The following ARHGEF18 variants were observed in gnomAD, a reference collection of about 807,000 sequenced individuals.
ARHGEF18 encodes the protein rho guanine nucleotide exchange factor 18.
A neutral mutation model predicts 155.7 loss-of-function variants in ARHGEF18; 93 were observed. The observed-to-expected ratio is 0.60, with a 90% CI of 0.50 to 0.71. The LOEUF (loss-of-function observed/expected upper bound fraction) is 0.71. Among genes scored for constraint, ARHGEF18 ranks in the 30% least tolerant of loss-of-function variants. ARHGEF18 has a pLI of 0.00. For synonymous variants in ARHGEF18, 742 were observed against 753.1 expected (o/e 0.99, Z 0.24); for missense variants, 1,593 against 1,816.1 (o/e 0.88, Z 2.23).
chr19:7,397,460 G>A lies in ARHGEF18; in HGVS notation c.967+14257G>A, dbSNP rs897759540. Among the ~76,000 whole-genome samples, 5 of 151,456 alleles carry A rather than the reference G, an allele frequency of 3.3e-5. No individual in the cohort carries two copies. In the East Asian group the frequency reaches 5.8e-4, roughly 18 times the overall value. On this transcript the variant is annotated intron_variant, in intron 10 of 28. Transcript: ENST00000668164. ...TTTAAAAATTTTTTGGGCCGGGTGC[G>A]GTGGCTCACACCTGTAATCCCAGCA...
intron 10 of ARHGEF18, among the ~76,000 whole-genome samples, chr19:7,433,537 A>G (rs1037675170): frequency 1.4e-5 from 2 of 138,580 alleles, no homozygotes; most frequent in African/African-American, 5.3e-5. Context: ...AAAAAAGTGT[A>G]TCAGGTTTTC....
rs181271941 is a variant in ARHGEF18 at position 7,437,530 on chromosome 19, C to A, written c.968-2814C>A. Among the ~76,000 whole-genome samples, 228 of 152,170 alleles carry A rather than the reference C, an allele frequency of 1.5e-3. No homozygotes were observed. In the Middle Eastern group the frequency reaches 0.034, roughly 23 times the overall value. ...GCTCTGCCCACCCCATGGTTTATAA[C>A]TCCGTGTTCCCAAGAAAGAGACTTC... On this transcript the variant is annotated intron_variant, in intron 10 of 28. Coordinates refer to ENST00000668164, the MANE Select transcript of ARHGEF18 (RefSeq NM_001367823.1).
At chr19:7,417,457 G>C (rs1197250020) in intron 10 of ARHGEF18, among the ~76,000 whole-genome samples, 1 of 152,162 alleles carries the variant, frequency 6.6e-6, no homozygotes, top group Non-Finnish European at 1.5e-5. Context: ...TAGCACTTTG[G>C]GAGACCAAGG....
intron 10 of ARHGEF18, among the ~76,000 whole-genome samples, chr19:7,416,327 T>C (rs1345598717): frequency 2.0e-5 from 3 of 151,986 alleles, no homozygotes; most frequent in African/African-American, 7.2e-5. Context: ...GATCCCTTGA[T>C]TCCTTGAGCC....
chr19:7,373,470 T>TTTTTG (rs1568275296), intron 3 of ARHGEF18, among the ~76,000 whole-genome samples: 3 of 149,774 alleles, frequency 2.0e-5, no homozygotes, highest in African/African-American at 7.5e-5. Flanking sequence ...TTTGTTTTTT[T>TTTTTG]TTTTTTGTTT....
chr19:7,453,721 G>A lies in ARHGEF18; in HGVS notation c.2104+6G>A. On this transcript the variant is annotated splice_donor_region_variant and intron_variant, in intron 17 of 28. Coordinates refer to ENST00000668164, the MANE Select transcript of ARHGEF18 (RefSeq NM_001367823.1). ...CACATCAGGGCGCTTGAAAGGTAAAGGCCTGCCCCTGCCCACCTCTAGTGG... is the reference window on the plus strand; with the variant it reads ...CACATCAGGGCGCTTGAAAGGTAAAAGCCTGCCCCTGCCCACCTCTAGTGG... 1.9e-6 allele frequency: 3 copies of A among 1,541,130 alleles called. No individual in the cohort carries two copies. Among genetic ancestry groups the A allele is most frequent in the Non-Finnish European group, 1.8e-6 (2 of 1,142,194 alleles).
intron 17 of ARHGEF18, among the ~76,000 whole-genome samples, chr19:7,454,069 T>C (rs1205767383): frequency 3.3e-5 from 5 of 151,252 alleles, no homozygotes; most frequent in Non-Finnish European, 7.4e-5. Context: ...GTGGGCATCA[T>C]CTTGGATTGG....
In ARHGEF18 at chr19:7,361,990, TGGA is replaced by T. The variant is rs1454099032; in HGVS notation, c.-110-790_-110-788del. On this transcript the variant is annotated intron_variant, in intron 1 of 28. Transcript: ENST00000668164. ...TTGGGGGCAACAGAGCAAGACTCTG[TGGA>T]AGAAGAAGAAGAAGAAGAAGAAGGA... Among the ~76,000 whole-genome samples the T allele has an allele frequency of 1.8e-3, 197 of 111,052 alleles. 40 individuals are homozygous for T. The highest frequency in any genetic ancestry group is 9.0e-3 in the African/African-American group (192 of 21,342). The allele number at this position is 111,052 out of a possible 152,430, so 72.9% of individuals were successfully genotyped here. A position where few individuals can be genotyped will look rare whatever the true frequency, so the allele number is the denominator to read the frequency against.
chr19:7,465,380 G>A (rs986803340), intron 23 of ARHGEF18, among the ~76,000 whole-genome samples: 1 of 149,686 alleles, frequency 6.7e-6, no homozygotes, highest in African/African-American at 2.5e-5. Flanking sequence ...TAATCCCAGT[G>A]TTTTGGGAGA....
chr19:7,476,341 T>C (rs1200201202), downstream of ARHGEF18, among the ~76,000 whole-genome samples: 2 of 146,900 alleles, frequency 1.4e-5, no homozygotes, highest in Non-Finnish European at 3.0e-5. Flanking sequence ...GCAATTGATA[T>C]CACATGAGGC....
chr19:7,444,899 A>T lies in ARHGEF18; in HGVS notation c.1611+445A>T, dbSNP rs950689670. Reference sequence around the variant, plus strand: ...GCAATCCCCCTGCCTCGGCATCCCAAAGTGCAGGGATCACAGGCATGAGCC... The same window carrying T: ...GCAATCCCCCTGCCTCGGCATCCCATAGTGCAGGGATCACAGGCATGAGCC... On this transcript the variant is annotated intron_variant, in intron 14 of 28. Transcript: ENST00000668164. The surrounding 1 kb of genome is among the most constrained non-coding windows in gnomAD (Gnocchi z 4.7). Among the ~76,000 whole-genome samples the T allele has an allele frequency of 2.0e-5, 3 of 152,046 alleles. No individual in the cohort carries two copies. Among genetic ancestry groups the T allele is most frequent in the Non-Finnish European group, 4.4e-5 (3 of 68,006 alleles).
intron 10 of ARHGEF18, among the ~76,000 whole-genome samples, chr19:7,423,825 C>T (rs559104876): frequency 4.6e-5 from 7 of 151,648 alleles, no homozygotes; most frequent in Admixed American, 1.3e-4. Context: ...TTCTACAGCC[C>T]GCATCCCTAC....
chr19:7,356,363 T>TC (rs1475865404), intron 1 of ARHGEF18, among the ~76,000 whole-genome samples: 1 of 151,360 alleles, frequency 6.6e-6, no homozygotes, highest in African/African-American at 2.4e-5. Context: ...AAACTCTGCC[T>TC]CCAGGGTTCA....
chr19:7,414,944 G>A (rs138008503), intron 10 of ARHGEF18, among the ~76,000 whole-genome samples: 1,743 of 152,212 alleles, frequency 0.011, 37 homozygotes, highest in African/African-American at 0.039. Context: ...GCAGTGACCC[G>A]AGATCGTGCC....
At chr19:7,478,503 T>C in the ARHGEF18 span, 1 of 968,584 alleles carries the variant, frequency 1.0e-6, no homozygotes, top group Admixed American at 2.0e-5. Context: ...GCCCTCTCCC[T>C]GCCCCCACAG....
Position 7,379,130 on chromosome 19 carries a change from T to C in ARHGEF18, c.608T>C (p.Val203Ala). The C allele has an allele frequency of 8.1e-7, 1 of 1,232,426 alleles. No homozygotes were observed. Among genetic ancestry groups the C allele is most frequent in the Non-Finnish European group, 1.0e-6 (1 of 988,230 alleles). The allele number at this position is 1,232,426 out of a possible 1,614,324, so 76.3% of individuals were successfully genotyped here. Residue 203 changes from valine to alanine, a missense_variant, in exon 7 of 29, where the codon GTC becomes GCC. By Grantham distance (64) the Val-to-Ala change is moderately conservative (BLOSUM62 0). Transcript: ENST00000668164. ...CACCTCCACCCCCACAGGCTGATTG[T>C]CCAGCAGGTGCTTCAAGAACTTCGA... Reference protein sequence around the residue: ...DHVEPDHVLIVQQVLQELRQY... With the variant: ...DHVEPDHVLIAQQVLQELRQY...
At chr19:7,378,891 C>T (rs1970594166) in intron 6 of ARHGEF18, among the ~76,000 whole-genome samples, 1 of 151,946 alleles carries the variant, frequency 6.6e-6, no homozygotes, top group Non-Finnish European at 1.5e-5. Flanking sequence ...CGGGGTTTCA[C>T]CATGTTGGCC....
intron 10 of ARHGEF18, among the ~76,000 whole-genome samples, chr19:7,383,707 G>A (rs187629387): frequency 1.3e-5 from 2 of 152,034 alleles, no homozygotes; most frequent in African/African-American, 2.4e-5. Context: ...ATTGGATTAG[G>A]GGCCCACCAC....
In ARHGEF18 at chr19:7,470,532, AAAAGGAAAGTTTTT is replaced by A; in HGVS notation, c.*237_*250del. Reference sequence around the variant, plus strand: ...TCTGAATCTCTTTTTTTTTTTTTCAAAAAGGAAAGTTTTTAATGGAAAGTTGAGCCAGAACTAAA... The same window carrying A: ...TCTGAATCTCTTTTTTTTTTTTTCAAAATGGAAAGTTGAGCCAGAACTAAA... On this transcript the variant is annotated 3_prime_UTR_variant, in exon 29 of 29. Coordinates refer to ENST00000668164, the MANE Select transcript of ARHGEF18 (RefSeq NM_001367823.1). The surrounding 1 kb of genome is among the most constrained non-coding windows in gnomAD (Gnocchi z 5.9). 7.3e-6 allele frequency: 3 copies of A among 408,876 alleles called. No homozygotes were observed. The highest frequency in any genetic ancestry group is 4.1e-5 in the African/African-American group (2 of 48,446). 25.3% of individuals were successfully genotyped at this position (408,876 alleles called of 1,614,324 possible).
Sources: gnomAD v4.1 joint callset for allele counts (sites outside exome capture counted in the v4.1 genomes callset) on GRCh38, gnomAD v4.1.1 for gene constraint, Gnocchi (gnomAD v3.1) non-coding constraint, MANE v1.5 for transcripts, NCBI Gene and HGNC (gene_info 2026-07-23, HGNC 2026-07-21) for gene names.